CDK5RAP2: variants seen among roughly 807,000 people sequenced by gnomAD.
The protein encoded by CDK5RAP2 is CDK5 regulatory subunit associated protein 2.
CDK5RAP2 carries 147 observed loss-of-function variants against 232.9 expected under a neutral mutation model. That is an observed-to-expected ratio of 0.63 (90% CI 0.55 to 0.72). CDK5RAP2 has a LOEUF of 0.72. CDK5RAP2 is among the 30% of genes least tolerant of loss of function. CDK5RAP2 has a pLI of 0.00. For synonymous variants in CDK5RAP2, 833 were observed against 833.7 expected (o/e 1.00, Z 0.01); for missense variants, 2,195 against 2,231.5 (o/e 0.98, Z 0.33).
chr9:120,401,650 A>G (rs533520453), intron 34 of CDK5RAP2, among the ~76,000 whole-genome samples: 3 of 150,494 alleles, frequency 2.0e-5, no homozygotes, highest in African/African-American at 7.3e-5. Context: ...AAAAAGACAC[A>G]TCCTTTTTAG....
intron 18 of CDK5RAP2, among the ~76,000 whole-genome samples, chr9:120,464,075 C>A (rs2037237821): frequency 6.6e-6 from 1 of 152,188 alleles, no homozygotes; most frequent in Non-Finnish European, 1.5e-5. Flanking sequence ...CTGCTCAGGT[C>A]ATGGGACTCA....
At chr9:120,516,325 A>T (rs2040336413) in intron 12 of CDK5RAP2, among the ~76,000 whole-genome samples, 1 of 131,594 alleles carries the variant, frequency 7.6e-6, no homozygotes, top group East Asian at 2.3e-4. Flanking sequence ...GCGAGAACAC[A>T]TGGACACAGG....
At chr9:120,525,761 C>T (rs537421573) in intron 10 of CDK5RAP2, among the ~76,000 whole-genome samples, 77 of 152,076 alleles carry the variant, frequency 5.1e-4, no homozygotes, top group African/African-American at 1.5e-3. Context: ...GGACCACAGG[C>T]GCACGCCACC....
chr9:120,560,231 T>C (rs1448157165), intron 3 of CDK5RAP2, among the ~76,000 whole-genome samples: 1 of 152,258 alleles, frequency 6.6e-6, no homozygotes, highest in African/African-American at 2.4e-5. Context: ...TTGGCTCATC[T>C]ATAAAATGAG....
Position 120,435,264 on chromosome 9 carries a change from G to A in CDK5RAP2, c.3955+2031C>T, listed in dbSNP as rs535909267. 1.4e-3 allele frequency among the ~76,000 whole-genome samples: 214 copies of A among 152,186 alleles called. 1 individual carries two copies. Among genetic ancestry groups the A allele is most frequent in the African/African-American group, 5.0e-3 (209 of 41,542 alleles). ...TTTGTTTTTCACAGTGGAAAGGGTG[G>A]AGTAATTCTGGAACTATGTGTATAT... On this transcript the variant is annotated intron_variant, in intron 25 of 37. Coordinates refer to ENST00000349780, the MANE Select transcript of CDK5RAP2 (RefSeq NM_018249.6).
intron 12 of CDK5RAP2, among the ~76,000 whole-genome samples, chr9:120,499,104 A>C (rs1327286499): frequency 6.6e-6 from 1 of 152,232 alleles, no homozygotes; most frequent in Non-Finnish European, 1.5e-5. Context: ...CAATCAGGGA[A>C]ATCTAAACAT....
intron 12 of CDK5RAP2, among the ~76,000 whole-genome samples, chr9:120,504,035 C>T (rs1183425919): frequency 6.6e-6 from 1 of 152,128 alleles, no homozygotes; most frequent in African/African-American, 2.4e-5. Flanking sequence ...GTCAATCACT[C>T]CTGCTATCCC....
At chr9:120,480,328 A>G (rs2038233902) in intron 14 of CDK5RAP2, among the ~76,000 whole-genome samples, 1 of 152,190 alleles carries the variant, frequency 6.6e-6, no homozygotes, top group Non-Finnish European at 1.5e-5. Flanking sequence ...TATTTCCACT[A>G]ACCTCTAACT....
rs1282392962 is a variant in CDK5RAP2, at chr9:120,518,229, G to A, written c.1311+198C>T. Among the ~76,000 whole-genome samples the A allele has an allele frequency of 2.6e-5, 4 of 151,592 alleles. 1 individual carries two copies. The highest frequency in any genetic ancestry group is 2.1e-4 in the South Asian group (1 of 4,788). On this transcript the variant is annotated intron_variant, in intron 12 of 37. Transcript: ENST00000349780. ...TGTGTGTGAGAGAGAGAGAGAGAGA[G>A]AGAGAGAGAGAGAGCGAGGAGAATA...
At chr9:120,404,308 G>A (rs909113008) in intron 32 of CDK5RAP2, among the ~76,000 whole-genome samples, 195 bp from the exon 33 acceptor site, 2 of 152,190 alleles carry the variant, frequency 1.3e-5, no homozygotes, top group African/African-American at 2.4e-5. Flanking sequence ...ACCAGGCCCA[G>A]TCCATTCCCT....
At chr9:120,540,546 T>A (rs946144120) in intron 5 of CDK5RAP2, among the ~76,000 whole-genome samples, 5 of 152,170 alleles carry the variant, frequency 3.3e-5, no homozygotes, top group African/African-American at 1.2e-4. Flanking sequence ...TTTTCACCAA[T>A]AAAGCTTCAG....
intron 12 of CDK5RAP2, among the ~76,000 whole-genome samples, chr9:120,512,668 G>A (rs2040149698): frequency 6.6e-6 from 1 of 152,182 alleles, no homozygotes. Context: ...CAACAGCGTA[G>A]TATCTTAGCA....
chr9:120,523,085 C>A (rs2040742860), intron 11 of CDK5RAP2, among the ~76,000 whole-genome samples: 2 of 152,226 alleles, frequency 1.3e-5, no homozygotes, highest in Non-Finnish European at 2.9e-5. Context: ...GAAAAGCCAA[C>A]CTGACATGTA....
At chr9:120,527,628 C>T (rs899927904) in intron 10 of CDK5RAP2, among the ~76,000 whole-genome samples, 178 bp downstream of exon 10, 1 of 152,078 alleles carries the variant, frequency 6.6e-6, no homozygotes, top group African/African-American at 2.4e-5. Context: ...TTCTATTGGA[C>T]AGCACTGGAT....
intron 25 of CDK5RAP2, among the ~76,000 whole-genome samples, chr9:120,429,082 A>C (rs1483123458): frequency 6.6e-6 from 1 of 152,370 alleles, no homozygotes; most frequent in East Asian, 1.9e-4. Flanking sequence ...AACTCTTAAT[A>C]AATTAGGTAT....
chr9:120,515,373 C>T, intron 12 of CDK5RAP2, among the ~76,000 whole-genome samples: 1 of 152,208 alleles, frequency 6.6e-6, no homozygotes, highest in African/African-American at 2.4e-5. Flanking sequence ...CACACAGGAT[C>T]TTTTGCATTG....
At position 120,439,588 on chromosome 9, in the gene CDK5RAP2, C is replaced by T. The variant is rs780477221; in HGVS notation, c.3533G>A (p.Arg1178Gln). The T allele has an allele frequency of 1.3e-5, 21 of 1,614,068 alleles. No homozygotes were observed. Among genetic ancestry groups the T allele is most frequent in the Admixed American group, 5.0e-5 (3 of 60,014 alleles). Residue 1178 changes from arginine (R) to glutamine (Q), a missense_variant, in exon 24 of 38, where the codon CGA becomes CAA. Arg to Gln is a conservative substitution (Grantham distance 43). Transcript: ENST00000349780. ...EMTFSSLHQV[R>Q]YVKHVKILGP... Reference sequence around the variant, plus strand: ...GAGGATTTTCACGTGTTTCACGTATCGCACTTGGTGCAAACTTGAAAAGGT... The same window carrying T: ...GAGGATTTTCACGTGTTTCACGTATTGCACTTGGTGCAAACTTGAAAAGGT...
Position 120,403,983 on chromosome 9 carries a change from G to GT in CDK5RAP2, c.5041+52dup. 8.0e-7 allele frequency: 1 copy of GT among 1,245,360 alleles called. No individual in the cohort carries two copies. Among genetic ancestry groups the GT allele is most frequent in the Non-Finnish European group, 1.2e-6 (1 of 843,482 alleles). The allele number at this position is 1,245,360 out of a possible 1,614,324, so 77.1% of individuals were successfully genotyped here. ...ACCCCCCTTTTCTGCAAGTTAAAAA[G>GT]TCTTACTGTCACATCCAATGCTCCC... is the stretch of plus-strand genomic sequence containing the variant. On this transcript the variant is annotated intron_variant, in intron 33 of 37. Coordinates refer to ENST00000349780, the MANE Select transcript of CDK5RAP2 (RefSeq NM_018249.6). This position sits in a 1 kb window ranked among gnomAD's most constrained non-coding sequence, Gnocchi z 4.2.
At chr9:120,465,609 A>C (rs577599098) in intron 18 of CDK5RAP2, among the ~76,000 whole-genome samples, 17 of 151,782 alleles carry the variant, frequency 1.1e-4, no homozygotes, top group Admixed American at 1.3e-4. Context: ...GGGAGGGGGA[A>C]AATAAATAAA....
Sources: allele counts gnomAD v4.1 joint callset (sites outside exome capture counted in the v4.1 genomes callset), GRCh38; gene constraint gnomAD v4.1.1; non-coding constraint Gnocchi (gnomAD v3.1); transcripts MANE v1.5; gene names NCBI Gene and HGNC (gene_info 2026-07-23, HGNC 2026-07-21).